Variants in CLSTN2 observed in about 807,000 individuals in gnomAD.
CLSTN2 encodes calsyntenin 2.
Under a neutral mutation model 101.2 loss-of-function variants are expected in CLSTN2, and 48 were observed. That is an observed-to-expected ratio of 0.47 (90% CI 0.38 to 0.60). CLSTN2 has a LOEUF of 0.60. CLSTN2 is among the 20% of genes least tolerant of loss of function. CLSTN2 has a pLI of 0.00. For synonymous variants in CLSTN2, 481 were observed against 463.6 expected (o/e 1.04, Z -0.48); for missense variants, 1,160 against 1,238.2 (o/e 0.94, Z 0.95).
At chr3:140,072,764 G>A (rs1284719489) in intron 1 of CLSTN2, among the ~76,000 whole-genome samples, 2 of 152,184 alleles carry the variant, frequency 1.3e-5, no homozygotes, top group Non-Finnish European at 2.9e-5. Context: ...GATAAGGGTA[G>A]CATTGTGGCT....
chr3:140,360,623 A>G (rs2087720221), intron 2 of CLSTN2, among the ~76,000 whole-genome samples: 2 of 152,206 alleles, frequency 1.3e-5, no homozygotes, highest in South Asian at 4.1e-4. Flanking sequence ...CTCTCCCTAA[A>G]GAAGAACAAT....
Position 140,183,361 on chromosome 3 carries a change from G to A in CLSTN2, c.232+7288G>A, listed in dbSNP as rs541842886. 5.3e-5 allele frequency among the ~76,000 whole-genome samples: 8 copies of A among 152,250 alleles called. No homozygotes were observed. In the South Asian group the frequency reaches 6.2e-4, roughly 12 times the overall value. ...TAGTGCCCAAACCAGGAAGGTCCTC[G>A]TAAACCAGAGTGAGTTGGTCACTCT... On this transcript the variant is annotated intron_variant, in intron 2 of 16. Transcript: ENST00000458420.
At chr3:140,190,699 A>G (rs1255884362) in intron 2 of CLSTN2, among the ~76,000 whole-genome samples, 2 of 152,014 alleles carry the variant, frequency 1.3e-5, no homozygotes, top group African/African-American at 4.8e-5. Flanking sequence ...TTGTATTTTT[A>G]ATTGTGTTGT....
In CLSTN2 at chr3:139,935,815, G is replaced by A. The variant is rs1935009948; in HGVS notation, c.109+332G>A. ...CTCTGGCCCAGGGACGGCTAGAGCA[G>A]GGCGCTGGCGCGCCGTGGGGACAAG... On this transcript the variant is annotated intron_variant, in intron 1 of 16. Transcript: ENST00000458420. The surrounding 1 kb of genome is among the most constrained non-coding windows in gnomAD (Gnocchi z 5.5). Among the ~76,000 whole-genome samples, 1 of 152,144 alleles carries A rather than the reference G, an allele frequency of 6.6e-6. No individual in the cohort carries two copies. Among genetic ancestry groups the A allele is most frequent in the South Asian group, 2.1e-4 (1 of 4,828 alleles).
intron 2 of CLSTN2, among the ~76,000 whole-genome samples, chr3:140,212,074 G>A (rs1383349940): frequency 1.3e-5 from 2 of 152,144 alleles, no homozygotes; most frequent in Non-Finnish European, 2.9e-5. Flanking sequence ...CTCATGAGGG[G>A]CCAAAATTCA....
intron 8 of CLSTN2, among the ~76,000 whole-genome samples, chr3:140,513,303 A>T (rs1264105419): frequency 6.6e-6 from 1 of 152,128 alleles, no homozygotes; most frequent in Non-Finnish European, 1.5e-5. Context: ...GTTTATTGAG[A>T]GTTTTTAACA....
intron 1 of CLSTN2, among the ~76,000 whole-genome samples, chr3:140,081,039 A>T (rs2008588842): frequency 6.6e-6 from 1 of 152,214 alleles, no homozygotes; most frequent in Admixed American, 6.5e-5. Flanking sequence ...CAGTGATGTG[A>T]CACCGATGCT....
chr3:140,418,175 C>A (rs2088452026), intron 4 of CLSTN2, among the ~76,000 whole-genome samples: 1 of 151,824 alleles, frequency 6.6e-6, no homozygotes, highest in East Asian at 1.9e-4. Flanking sequence ...ATATACTTCT[C>A]ATGGTTATAT....
At chr3:140,331,631 C>G (rs1042518487) in intron 2 of CLSTN2, among the ~76,000 whole-genome samples, 1 of 152,180 alleles carries the variant, frequency 6.6e-6, no homozygotes, top group African/African-American at 2.4e-5. Context: ...CACACAAAGG[C>G]ATTTTATAGG....
chr3:140,477,257 T>C (rs965950432), intron 8 of CLSTN2, among the ~76,000 whole-genome samples: 6 of 152,218 alleles, frequency 3.9e-5, no homozygotes, highest in African/African-American at 1.4e-4. Context: ...CCTTTAATTA[T>C]ACCTCTAAAT....
chr3:139,985,236 C>T (rs1246452400), intron 1 of CLSTN2, among the ~76,000 whole-genome samples: 1 of 152,180 alleles, frequency 6.6e-6, no homozygotes, highest in African/African-American at 2.4e-5. Context: ...TGTCCTCTAT[C>T]TGAAATCTAA....
At chr3:140,021,762 T>G (rs752111148) in intron 1 of CLSTN2, among the ~76,000 whole-genome samples, 19 of 152,208 alleles carry the variant, frequency 1.2e-4, no homozygotes, top group Non-Finnish European at 2.4e-4. Flanking sequence ...CTTTGGGGTT[T>G]AAGGCAAAAA....
chr3:140,097,801 A>C (rs1473609489), intron 1 of CLSTN2, among the ~76,000 whole-genome samples: 1 of 152,226 alleles, frequency 6.6e-6, no homozygotes, highest in Non-Finnish European at 1.5e-5. Context: ...TGGAGTTTTC[A>C]GTAAGTGATT....
At chr3:140,398,276 T>C (rs2088204654) in intron 2 of CLSTN2, among the ~76,000 whole-genome samples, 1 of 152,178 alleles carries the variant, frequency 6.6e-6, no homozygotes, top group Admixed American at 6.5e-5. Context: ...CCACAGAATA[T>C]TAAAAAGACA....
chr3:140,149,978 A>C (rs73868761), intron 1 of CLSTN2, among the ~76,000 whole-genome samples: 2,265 of 152,116 alleles, frequency 0.015, 62 homozygotes, highest in African/African-American at 0.052. Context: ...GGGCAGGGAG[A>C]GGAGAGTGAG....
chr3:140,302,922 C>G (rs1045656680), intron 2 of CLSTN2, among the ~76,000 whole-genome samples: 1 of 152,114 alleles, frequency 6.6e-6, no homozygotes, highest in Non-Finnish European at 1.5e-5. Context: ...TGTGTCAGCC[C>G]CGGAGATGGG....
chr3:140,101,452 G>T (rs760209307), intron 1 of CLSTN2, among the ~76,000 whole-genome samples: 1 of 152,164 alleles, frequency 6.6e-6, no homozygotes, highest in Admixed American at 6.5e-5. Context: ...CACTGAAGTC[G>T]CTCCCAGGTT....
intron 1 of CLSTN2, among the ~76,000 whole-genome samples, chr3:140,046,950 C>T (rs1560078605): frequency 6.6e-6 from 1 of 151,776 alleles, no homozygotes; most frequent in Non-Finnish European, 1.5e-5. Flanking sequence ...CCAACTGTCC[C>T]TCTAGGGGAT....
chr3:139,993,838 G>A (rs1936156352), intron 1 of CLSTN2, among the ~76,000 whole-genome samples: 1 of 106,840 alleles, frequency 9.4e-6, no homozygotes, highest in Admixed American at 1.1e-4. Flanking sequence ...GGGATTGGGA[G>A]AACTTAAAGA....
Sources: gnomAD v4.1 joint callset for allele counts (sites outside exome capture counted in the v4.1 genomes callset) on GRCh38, gnomAD v4.1.1 for gene constraint, Gnocchi (gnomAD v3.1) non-coding constraint, MANE v1.5 for transcripts, NCBI Gene and HGNC (gene_info 2026-07-23, HGNC 2026-07-21) for gene names.